Variants in NKAIN3 observed in about 807,000 individuals in gnomAD.
NKAIN3 encodes the protein sodium/potassium transporting ATPase interacting 3, also known as sodium/potassium-transporting ATPase subunit beta-1-interacting protein 3.
Under a neutral mutation model 30.2 loss-of-function variants are expected in NKAIN3, and 25 were observed. The observed-to-expected ratio is 0.83, with a 90% CI of 0.60 to 1.16. The LOEUF is 1.16. Ranked by LOEUF, NKAIN3 falls within the 50% of genes most tolerant of loss-of-function variation. The pLI is 0.00. For missense variants in NKAIN3, 225 were observed against 254.1 expected (o/e 0.89, Z 0.78); for synonymous variants, 91 against 89.6 (o/e 1.02, Z -0.09).
chr8:62,677,548 G>A (rs551383519), intron 3 of NKAIN3, among the ~76,000 whole-genome samples: 1 of 152,322 alleles, frequency 6.6e-6, no homozygotes, highest in Non-Finnish European at 1.5e-5. Context: ...AGCATGCACT[G>A]TAGTCCCCTG....
chr8:62,795,960 C>T (rs2127559), intron 4 of NKAIN3, among the ~76,000 whole-genome samples: 29,632 of 152,022 alleles, frequency 0.19, 3,311 homozygotes, highest in African/African-American at 0.29. Context: ...CAGATCCCAA[C>T]CAAGCCTCAA....
chr8:62,253,594 A>G (rs142913545), intron 1 of NKAIN3, among the ~76,000 whole-genome samples: 164 of 152,272 alleles, frequency 1.1e-3, no homozygotes, highest in Middle Eastern at 3.4e-3. Flanking sequence ...ACATAAGTAA[A>G]TAAATAAATA....
At chr8:62,874,560 A>T (rs1391420253) in intron 4 of NKAIN3, among the ~76,000 whole-genome samples, 1 of 152,204 alleles carries the variant, frequency 6.6e-6, no homozygotes, top group Admixed American at 6.5e-5. Context: ...CAATGCAAAA[A>T]TCCTCAATGA....
intron 3 of NKAIN3, among the ~76,000 whole-genome samples, chr8:62,683,768 G>T (rs1451310639): frequency 6.6e-6 from 1 of 152,108 alleles, no homozygotes; most frequent in Non-Finnish European, 1.5e-5. Context: ...ATTTGGTCTG[G>T]CTCTCACAAG....
At chr8:62,986,074 G>A (rs954525716), downstream of NKAIN3, among the ~76,000 whole-genome samples, 20 of 152,144 alleles carry the variant, frequency 1.3e-4, no homozygotes, top group South Asian at 4.1e-4. Flanking sequence ...CCTATGCCTC[G>A]TTGGACAAAT....
At chr8:62,375,809 AAATTC>A (rs1322370226) in intron 1 of NKAIN3, among the ~76,000 whole-genome samples, 4 of 152,236 alleles carry the variant, frequency 2.6e-5, no homozygotes, top group Non-Finnish European at 5.9e-5. Context: ...GTTTAACAAT[AAATTC>A]TAAGGATTTG....
Position 62,360,988 on chromosome 8 carries a change from T to C in NKAIN3, c.54+111861T>C, listed in dbSNP as rs181658395. Among the ~76,000 whole-genome samples the C allele has an allele frequency of 4.9e-5, 7 of 142,138 alleles. No individual in the cohort carries two copies. In the East Asian group the frequency reaches 1.3e-3, roughly 26 times the overall value. 93.2% of individuals were successfully genotyped at this position (142,138 alleles called of 152,430 possible). Reference sequence around the variant, plus strand: ...GGAATGAGGTTCTTAGAGGGCTAAATAGCCTACTGACATTCCCCAGCTAAA... The same window carrying C: ...GGAATGAGGTTCTTAGAGGGCTAAACAGCCTACTGACATTCCCCAGCTAAA... On this transcript the variant is annotated intron_variant, in intron 1 of 6. Coordinates refer to ENST00000623646, the MANE Select transcript of NKAIN3 (RefSeq NM_001304533.3).
intron 4 of NKAIN3, among the ~76,000 whole-genome samples, chr8:62,803,522 C>A (rs1246452640): frequency 1.3e-5 from 2 of 152,016 alleles, no homozygotes; most frequent in African/African-American, 4.8e-5. Context: ...CTACTGGGTA[C>A]ATAAAGAAAT....
intron 4 of NKAIN3, among the ~76,000 whole-genome samples, chr8:62,787,750 A>G (rs919428071): frequency 5.9e-5 from 9 of 152,070 alleles, no homozygotes; most frequent in African/African-American, 1.9e-4. Context: ...TCATTGTTCA[A>G]TTCCCACCTA....
At chr8:62,900,913 C>T (rs1821595062) in intron 4 of NKAIN3, among the ~76,000 whole-genome samples, 2 of 152,090 alleles carry the variant, frequency 1.3e-5, no homozygotes, top group Admixed American at 1.3e-4. Context: ...AGGCTGAAAC[C>T]CATCCTGAGA....
chr8:62,722,506 C>G (rs1815123613), intron 3 of NKAIN3, among the ~76,000 whole-genome samples: 3 of 152,204 alleles, frequency 2.0e-5, no homozygotes, highest in Admixed American at 2.0e-4. Flanking sequence ...GCCATTGGCC[C>G]TTATACACTC....
intron 1 of NKAIN3, among the ~76,000 whole-genome samples, chr8:62,400,122 A>G (rs370118542): frequency 1.3e-3 from 193 of 150,324 alleles, no homozygotes; most frequent in African/African-American, 4.6e-3. Context: ...AATTCAGGCT[A>G]GTCAGTTGTG....
intron 5 of NKAIN3, among the ~76,000 whole-genome samples, chr8:62,944,986 T>C (rs1385330293): frequency 6.6e-6 from 1 of 152,162 alleles, no homozygotes; most frequent in African/African-American, 2.4e-5. Flanking sequence ...TATAACAATG[T>C]CACTCAATTT....
chr8:62,883,823 A>G (rs1586308530), intron 4 of NKAIN3, among the ~76,000 whole-genome samples: 1 of 151,912 alleles, frequency 6.6e-6, no homozygotes, highest in East Asian at 1.9e-4. Context: ...CTAAAGTTGA[A>G]ACTTAGATTA....
intron 1 of NKAIN3, among the ~76,000 whole-genome samples, chr8:62,268,851 T>A (rs937216194): frequency 6.6e-6 from 1 of 152,178 alleles, no homozygotes; most frequent in Non-Finnish European, 1.5e-5. Flanking sequence ...TGTATATGCA[T>A]AATACTACAA....
At chr8:62,430,050 C>T (rs1028958323) in intron 1 of NKAIN3, among the ~76,000 whole-genome samples, 2 of 151,790 alleles carry the variant, frequency 1.3e-5, no homozygotes, top group Non-Finnish European at 2.9e-5. Flanking sequence ...CTGTGATTTT[C>T]ATTATGATTT....
At chr8:62,849,502 A>G (rs12548413) in intron 4 of NKAIN3, among the ~76,000 whole-genome samples, 120,735 of 151,272 alleles carry the variant, frequency 0.8, 48,613 homozygotes, top group South Asian at 0.88. Context: ...ACAATGTGCA[A>G]GTTTGTTACA....
rs554812212 is a variant in NKAIN3 at position 62,477,938 on chromosome 8, A to G, written c.55-101601A>G. On this transcript the variant is annotated intron_variant, in intron 1 of 6. Coordinates refer to ENST00000623646, the MANE Select transcript of NKAIN3 (RefSeq NM_001304533.3). ...AACTAATATCTGTGAGCTAAAATCAATACATATATAACATAATTATTTTTA... is the reference window on the plus strand; with the variant it reads ...AACTAATATCTGTGAGCTAAAATCAGTACATATATAACATAATTATTTTTA... Among the ~76,000 whole-genome samples, 31 of 152,276 alleles carry G rather than the reference A, an allele frequency of 2.0e-4. No homozygotes were observed. In the Middle Eastern group the frequency reaches 0.01, roughly 50 times the overall value.
chr8:62,894,962 G>C (rs147146007), intron 4 of NKAIN3, among the ~76,000 whole-genome samples: 45 of 152,288 alleles, frequency 3.0e-4, no homozygotes, highest in African/African-American at 1.0e-3. Flanking sequence ...TCCCTTTAAA[G>C]AGCTTTCTTG....
Sources: gnomAD v4.1 joint callset for allele counts (sites outside exome capture counted in the v4.1 genomes callset) on GRCh38, gnomAD v4.1.1 for gene constraint, MANE v1.5 for transcripts, NCBI Gene and HGNC (gene_info 2026-07-23, HGNC 2026-07-21) for gene names.